Variants in TNFSF4 observed in about 807,000 individuals in gnomAD.
TNFSF4 encodes tumor necrosis factor ligand superfamily member 4.
TNFSF4 carries 4 observed loss-of-function variants against 7.3 expected under a neutral mutation model. The observed-to-expected ratio is 0.55, with a 90% confidence interval of 0.27 to 1.25. TNFSF4 has a LOEUF of 1.25. Ranked by LOEUF, TNFSF4 falls within the 50% of genes most tolerant of loss-of-function variation. The pLI is 0.12. For synonymous variants in TNFSF4, 76 were observed against 83.7 expected (o/e 0.91, Z 0.50); for missense variants, 181 against 208.8 (o/e 0.87, Z 0.82).
chr1:173,436,343 A>C, the TNFSF4 span, among the ~76,000 whole-genome samples: 1 of 152,238 alleles, frequency 6.6e-6, no homozygotes, highest in Non-Finnish European at 1.5e-5. Context: ...ATGCCCCAGC[A>C]TTATCCCACC....
intron 1 of TNFSF4, among the ~76,000 whole-genome samples, chr1:173,198,996 C>G (rs749048536): frequency 1.3e-5 from 2 of 152,170 alleles, no homozygotes; most frequent in Non-Finnish European, 2.9e-5. Context: ...ATGCAAAAAA[C>G]AAGTATGCCC....
chr1:173,413,364 T>A, the TNFSF4 span, among the ~76,000 whole-genome samples: 1 of 152,178 alleles, frequency 6.6e-6, no homozygotes, highest in Non-Finnish European at 1.5e-5. Flanking sequence ...GGGAACTTGT[T>A]ATTCTTTTTG....
chr1:173,319,893 G>T, the TNFSF4 span, among the ~76,000 whole-genome samples: 1 of 152,286 alleles, frequency 6.6e-6, no homozygotes, highest in African/African-American at 2.4e-5. Flanking sequence ...CCACAAAGAT[G>T]AGGAAAAACC....
At chr1:173,336,303 T>A in the TNFSF4 span, among the ~76,000 whole-genome samples, 8 of 152,232 alleles carry the variant, frequency 5.3e-5, no homozygotes, top group African/African-American at 1.9e-4. Context: ...CCATTCAATT[T>A]GCCTATTTTG....
At chr1:173,242,282 C>T in the TNFSF4 span, among the ~76,000 whole-genome samples, 316 of 152,230 alleles carry the variant, frequency 2.1e-3, 2 homozygotes, top group Non-Finnish European at 3.6e-3. Flanking sequence ...GCTTTTTAAT[C>T]CACCCTCCAA....
Position 173,207,254 on chromosome 1 carries a change from G to C in TNFSF4, c.-78C>G. On this transcript the variant is annotated 5_prime_UTR_variant, in exon 1 of 3. Coordinates refer to ENST00000281834, the MANE Select transcript of TNFSF4 (RefSeq NM_003326.5). ...ATAAAACTGAAGTTTTCCCCAGAAA[G>C]AAGGAGGTAAAGACAAAACAAAGCC... 1 of 1,431,878 alleles carries C rather than the reference G, an allele frequency of 7.0e-7. No homozygotes were observed. Among genetic ancestry groups the C allele is most frequent in the Non-Finnish European group, 9.6e-7 (1 of 1,038,742 alleles). The allele number at this position is 1,431,878 out of a possible 1,614,324, so 88.7% of individuals were successfully genotyped here. A position where few individuals can be genotyped will look rare whatever the true frequency, so the allele number is the denominator to read the frequency against.
At chr1:173,341,320 C>T in the TNFSF4 span, among the ~76,000 whole-genome samples, 6 of 152,102 alleles carry the variant, frequency 3.9e-5, no homozygotes, top group Non-Finnish European at 7.4e-5. Flanking sequence ...CATGAGCCAA[C>T]GAGCTATGAA....
chr1:173,396,089 C>G, the TNFSF4 span, among the ~76,000 whole-genome samples: 3 of 152,184 alleles, frequency 2.0e-5, no homozygotes, highest in Admixed American at 1.3e-4. Flanking sequence ...TACATTTGTC[C>G]CAGTATGCCC....
the TNFSF4 span, among the ~76,000 whole-genome samples, chr1:173,336,407 G>A: frequency 1.3e-5 from 2 of 152,216 alleles, no homozygotes; most frequent in Non-Finnish European, 2.9e-5. Context: ...TGTACTAGAT[G>A]TGGTTTCATT....
chr1:173,236,602 T>A, the TNFSF4 span, among the ~76,000 whole-genome samples: 2 of 152,120 alleles, frequency 1.3e-5, no homozygotes, highest in South Asian at 4.1e-4. Flanking sequence ...CAACAGCAGA[T>A]GAATGGATGG....
chr1:173,327,725 T>A, the TNFSF4 span, among the ~76,000 whole-genome samples: 1 of 152,180 alleles, frequency 6.6e-6, no homozygotes, highest in African/African-American at 2.4e-5. Flanking sequence ...AAAGAAGACA[T>A]TTATGCAGCC....
chr1:173,194,725 A>T (rs1415173127), intron 1 of TNFSF4, among the ~76,000 whole-genome samples: 1 of 151,910 alleles, frequency 6.6e-6, no homozygotes, highest in Non-Finnish European at 1.5e-5. Flanking sequence ...TCTACAAAAA[A>T]ATAAAAAAAT....
intron 1 of TNFSF4, among the ~76,000 whole-genome samples, chr1:173,193,515 T>G (rs1470623952): frequency 6.6e-6 from 1 of 152,180 alleles, no homozygotes; most frequent in African/African-American, 2.4e-5. Context: ...AGTGAAGAGA[T>G]TTGATGCATG....
the TNFSF4 span, among the ~76,000 whole-genome samples, chr1:173,219,076 G>A: frequency 6.6e-6 from 1 of 151,986 alleles, no homozygotes; most frequent in Non-Finnish European, 1.5e-5. Context: ...AATAAAATAA[G>A]CTTCATAGGA....
the TNFSF4 span, among the ~76,000 whole-genome samples, chr1:173,438,474 T>C: frequency 6.6e-6 from 1 of 152,204 alleles, no homozygotes; most frequent in East Asian, 1.9e-4. Context: ...TGACCACATA[T>C]ATTTATCAGC....
chr1:173,414,905 C>A, the TNFSF4 span, among the ~76,000 whole-genome samples: 1 of 152,314 alleles, frequency 6.6e-6, no homozygotes, highest in Admixed American at 6.5e-5. Context: ...CTGAAGCCTT[C>A]TTCTCAACTA....
chr1:173,334,164 G>A, the TNFSF4 span, among the ~76,000 whole-genome samples: 2 of 152,012 alleles, frequency 1.3e-5, no homozygotes, highest in Non-Finnish European at 2.9e-5. Context: ...AATTGGTTGT[G>A]GGTTTCTAGA....
the TNFSF4 span, among the ~76,000 whole-genome samples, chr1:173,386,107 G>A: frequency 6.6e-6 from 1 of 152,148 alleles, no homozygotes; most frequent in African/African-American, 2.4e-5. Flanking sequence ...GTGTCCATGG[G>A]CCTCGAGGAC....
chr1:173,345,809 T>C, the TNFSF4 span, among the ~76,000 whole-genome samples: 1 of 152,142 alleles, frequency 6.6e-6, no homozygotes, highest in Non-Finnish European at 1.5e-5. Context: ...GAAGTGAAAG[T>C]GACTACCATT....
Sources: gnomAD v4.1 joint callset for allele counts (sites outside exome capture counted in the v4.1 genomes callset) on GRCh38, gnomAD v4.1.1 for gene constraint, MANE v1.5 for transcripts, NCBI Gene and HGNC (gene_info 2026-07-23, HGNC 2026-07-21) for gene names.